Variants in MACROD2 observed in about 807,000 individuals in gnomAD.
The protein encoded by MACROD2 is mono-ADP ribosylhydrolase 2.
Under a neutral mutation model 70.4 loss-of-function variants are expected in MACROD2, and 36 were observed. The observed-to-expected ratio is 0.51, with a 90% CI of 0.39 to 0.68. The LOEUF is 0.68. MACROD2 is among the 30% of genes least tolerant of loss of function. The probability of loss-of-function intolerance (pLI) is 0.00; values close to 1 mark genes in which losing one functional copy is unlikely to be tolerated. For synonymous variants in MACROD2, 172 were observed against 178.8 expected (o/e 0.96, Z 0.30); for missense variants, 496 against 538.4 (o/e 0.92, Z 0.78).
intron 10 of MACROD2, among the ~76,000 whole-genome samples, chr20:15,900,293 T>C (rs999274983): frequency 3.3e-5 from 5 of 152,222 alleles, no homozygotes; most frequent in African/African-American, 9.6e-5. Flanking sequence ...CTTTGTTTTA[T>C]CCTCTAGACT....
Position 15,925,560 on chromosome 20 carries a change from G to A in MACROD2, c.776-7716G>A, listed in dbSNP as rs16996802. Among the ~76,000 whole-genome samples, 358 of 152,204 alleles carry A rather than the reference G, an allele frequency of 2.4e-3. 1 individual carries two copies. The highest frequency in any genetic ancestry group is 0.023 in the South Asian group (112 of 4,812). On this transcript the variant is annotated intron_variant, in intron 10 of 17. Coordinates refer to ENST00000684519, the MANE Select transcript of MACROD2 (RefSeq NM_001351661.2). ...CTATTTTTATATCAAGATATGCCAC[G>A]GCAAGTTTTGGTACGCTTGGGTCAT...
At chr20:14,562,839 T>A (rs117073476) in intron 4 of MACROD2, among the ~76,000 whole-genome samples, 2 of 151,936 alleles carry the variant, frequency 1.3e-5, no homozygotes, top group South Asian at 2.1e-4. Context: ...TTTCTCTGGA[T>A]TTGTTGCCTG....
At chr20:14,667,303 C>G (rs1004225012) in intron 4 of MACROD2, among the ~76,000 whole-genome samples, 1 of 152,108 alleles carries the variant, frequency 6.6e-6, no homozygotes, top group Admixed American at 6.6e-5. Context: ...CCTAAATGTT[C>G]TCCCTAGATC....
At chr20:15,413,538 A>T (rs574816750) in intron 6 of MACROD2, among the ~76,000 whole-genome samples, 1 of 152,290 alleles carries the variant, frequency 6.6e-6, no homozygotes, top group East Asian at 1.9e-4. Flanking sequence ...ACTTCCCCTC[A>T]GTTAGAAACT....
chr20:16,030,894 T>C (rs1275196359), intron 15 of MACROD2, among the ~76,000 whole-genome samples: 1 of 152,180 alleles, frequency 6.6e-6, no homozygotes, highest in Non-Finnish European at 1.5e-5. Flanking sequence ...GATGATCTAA[T>C]GGTCAAACCA....
intron 5 of MACROD2, among the ~76,000 whole-genome samples, chr20:14,880,930 T>G (rs2122465729): frequency 6.6e-6 from 1 of 152,178 alleles, no homozygotes; most frequent in East Asian, 1.9e-4. Context: ...GCAATCACAG[T>G]GCCCCTATCC....
rs116308843 is a variant in MACROD2, at chr20:14,198,498, C to T, written c.271+112770C>T. On this transcript the variant is annotated intron_variant, in intron 3 of 17. Coordinates refer to ENST00000684519, the MANE Select transcript of MACROD2 (RefSeq NM_001351661.2). ...TATTCGGTTAGAAACTTGATTTTAC[C>T]GCTTTCAGAATCTAAAACTCTGGTT... 3.0e-3 allele frequency among the ~76,000 whole-genome samples: 458 copies of T among 152,130 alleles called. 2 individuals carry two copies. The highest frequency in any genetic ancestry group is 0.01 in the African/African-American group (429 of 41,514).
At chr20:16,028,791 G>C (rs1244739141) in intron 15 of MACROD2, among the ~76,000 whole-genome samples, 1 of 152,170 alleles carries the variant, frequency 6.6e-6, no homozygotes, top group Non-Finnish European at 1.5e-5. Context: ...ACGAAGAGAG[G>C]TTCAGTGGTC....
Position 14,107,500 on chromosome 20 carries a change from A to G in MACROD2, c.271+21772A>G, listed in dbSNP as rs538694759. Among the ~76,000 whole-genome samples, 3 of 152,306 alleles carry G rather than the reference A, an allele frequency of 2.0e-5. No individual in the cohort carries two copies. In the South Asian group the frequency reaches 6.2e-4, roughly 32 times the overall value. On this transcript the variant is annotated intron_variant, in intron 3 of 17. Transcript: ENST00000684519. ...AAAGTGTATTCAAAGGAACAATATC[A>G]GAGAATTCCCCAAACCTAGAGAAAG...
At chr20:15,118,102 A>C (rs1298153592) in intron 5 of MACROD2, among the ~76,000 whole-genome samples, 1 of 151,894 alleles carries the variant, frequency 6.6e-6, no homozygotes, top group Non-Finnish European at 1.5e-5. Flanking sequence ...AGGTCTAGCT[A>C]CCTTTCTAGA....
At chr20:15,417,252 G>A (rs895930092) in intron 6 of MACROD2, among the ~76,000 whole-genome samples, 75 of 152,008 alleles carry the variant, frequency 4.9e-4, no homozygotes, top group African/African-American at 1.7e-3. Context: ...TACAAAAAAA[G>A]GGAAAAAAGC....
At chr20:14,790,295 T>G (rs371029619) in intron 5 of MACROD2, among the ~76,000 whole-genome samples, 13 of 152,204 alleles carry the variant, frequency 8.5e-5, no homozygotes, top group African/African-American at 2.9e-4. Flanking sequence ...TTACAGCTTT[T>G]GTCAGATTTT....
chr20:15,414,240 G>A (rs114913200), intron 6 of MACROD2, among the ~76,000 whole-genome samples: 2 of 152,268 alleles, frequency 1.3e-5, no homozygotes, highest in Non-Finnish European at 2.9e-5. Context: ...AGAATCAGTA[G>A]TCTAAAACTC....
At chr20:15,755,180 G>A (rs1044022625) in intron 8 of MACROD2, among the ~76,000 whole-genome samples, 1 of 152,146 alleles carries the variant, frequency 6.6e-6, no homozygotes, top group Non-Finnish European at 1.5e-5. Context: ...TTTCTAAGAA[G>A]TTACCAGGAG....
At chr20:15,768,241 C>T (rs1282169272) in intron 8 of MACROD2, among the ~76,000 whole-genome samples, 4 of 152,012 alleles carry the variant, frequency 2.6e-5, no homozygotes, top group Non-Finnish European at 5.9e-5. Flanking sequence ...ACATCATAGA[C>T]TGTGCTTATA....
chr20:15,964,674 C>T, intron 12 of MACROD2, among the ~76,000 whole-genome samples: 1 of 152,134 alleles, frequency 6.6e-6, no homozygotes, highest in Non-Finnish European at 1.5e-5. Flanking sequence ...AGAAAAGCTG[C>T]ACTGCCACTT....
chr20:14,411,183 G>A (rs1433653283), intron 3 of MACROD2, among the ~76,000 whole-genome samples: 3 of 152,022 alleles, frequency 2.0e-5, no homozygotes, highest in Admixed American at 6.6e-5. Flanking sequence ...GTGACCATAG[G>A]GCTTCTAAAC....
chr20:14,134,821 A>AAAAC (rs386393377), intron 3 of MACROD2, among the ~76,000 whole-genome samples: 1 of 151,410 alleles, frequency 6.6e-6, no homozygotes, highest in African/African-American at 2.4e-5. Context: ...AAAAAAAAAA[A>AAAAC]ACAGCTACAA....
rs142762498 is a variant in MACROD2, at chr20:15,833,231, C to A, written c.646-29514C>A. Among the ~76,000 whole-genome samples, 202 of 152,272 alleles carry A rather than the reference C, an allele frequency of 1.3e-3. 1 individual carries two copies. Among genetic ancestry groups the A allele is most frequent in the African/African-American group, 4.5e-3 (189 of 41,554 alleles). ...ATAATTGATGGCTGAAAATAGAACC[C>A]TCAAATGAGAATAATGTCCAAATTC... On this transcript the variant is annotated intron_variant, in intron 8 of 17. Coordinates refer to ENST00000684519, the MANE Select transcript of MACROD2 (RefSeq NM_001351661.2).
Sources: allele counts gnomAD v4.1 joint callset (sites outside exome capture counted in the v4.1 genomes callset), GRCh38; gene constraint gnomAD v4.1.1; transcripts MANE v1.5; gene names NCBI Gene and HGNC (gene_info 2026-07-23, HGNC 2026-07-21).